Variants in IL1RL2 observed in about 807,000 individuals in gnomAD.
The protein encoded by IL1RL2 is interleukin 1 receptor like 2.
IL1RL2 carries 68 observed loss-of-function variants against 66.8 expected under a neutral mutation model. That is an observed-to-expected ratio of 1.02 (90% CI 0.84 to 1.25). IL1RL2 has a LOEUF of 1.25. IL1RL2 is among the 50% of genes most tolerant of loss of function. The pLI is 0.00. For synonymous variants in IL1RL2, 305 were observed against 264.6 expected (o/e 1.15, Z -1.48); for missense variants, 729 against 709.3 (o/e 1.03, Z -0.32).
At chr2:102,214,460 T>C (rs1689434786) in intron 6 of IL1RL2, among the ~76,000 whole-genome samples, 1 of 152,068 alleles carries the variant, frequency 6.6e-6, no homozygotes, top group Admixed American at 6.6e-5. Context: ...AATAAAACAG[T>C]AAGGAACAAC....
intron 9 of IL1RL2, 127 bp from the exon 10 acceptor site, chr2:102,232,836 A>G: frequency 2.0e-6 from 2 of 1,019,576 alleles, no homozygotes; most frequent in Non-Finnish European, 2.9e-6. Context: ...CAAGTCAGCC[A>G]ACTGGGCACT....
chr2:102,211,561 C>G (rs1578143564), intron 5 of IL1RL2, among the ~76,000 whole-genome samples: 1 of 152,306 alleles, frequency 6.6e-6, no homozygotes, highest in Admixed American at 6.5e-5. Context: ...TACCCATTCC[C>G]ACCAGTTCCC....
chr2:102,204,075 T>C (rs947272481), intron 5 of IL1RL2, among the ~76,000 whole-genome samples: 1 of 152,124 alleles, frequency 6.6e-6, no homozygotes, highest in African/African-American at 2.4e-5. Context: ...TGTTTTAGTA[T>C]GTTGTGTTTC....
chr2:102,210,277 G>T (rs1051877473), intron 5 of IL1RL2, among the ~76,000 whole-genome samples: 1 of 152,134 alleles, frequency 6.6e-6, no homozygotes, highest in African/African-American at 2.4e-5. Context: ...GATCCTGAAT[G>T]AGAGAAATTA....
Position 102,220,147 on chromosome 2 carries a change from A to G in IL1RL2, c.991+130A>G, listed in dbSNP as rs537416534. The G allele has an allele frequency of 1.4e-5, 11 of 760,796 alleles. No homozygotes were observed. The South Asian group carries it at 2.9e-4, about 20-fold the overall frequency. The allele number at this position is 760,796 out of a possible 1,614,324, so 47.1% of individuals were successfully genotyped here. A position where few individuals can be genotyped will look rare whatever the true frequency, so the allele number is the denominator to read the frequency against. On this transcript the variant is annotated intron_variant, in intron 8 of 11. Transcript: ENST00000264257. ...GTGATATTAAAGGGACAAACTCAGT[A>G]TGAAATCTAGGGAAAATCTCATGCA...
chr2:102,205,087 G>A (rs7583664), intron 5 of IL1RL2, among the ~76,000 whole-genome samples: 6 of 151,340 alleles, frequency 4.0e-5, no homozygotes, highest in East Asian at 1.9e-4. Flanking sequence ...TATTTTAACC[G>A]GATAACAACT....
At chr2:102,229,780 T>C (rs965567995) in intron 9 of IL1RL2, among the ~76,000 whole-genome samples, 1 of 152,166 alleles carries the variant, frequency 6.6e-6, no homozygotes, top group African/African-American at 2.4e-5. Context: ...GACCAAAAAA[T>C]TGGGCACATT....
intron 8 of IL1RL2, among the ~76,000 whole-genome samples, chr2:102,223,394 G>A (rs543365885): frequency 1.8e-4 from 27 of 152,260 alleles, no homozygotes; most frequent in African/African-American, 5.5e-4. Context: ...CCGTGAATTC[G>A]CGTATTACTT....
rs960983368 is a variant in IL1RL2, at chr2:102,233,016, C to T, written c.1189C>T (p.Gln397Ter). 1 of 1,614,178 alleles carries T rather than the reference C, an allele frequency of 6.2e-7. No individual in the cohort carries two copies. Among genetic ancestry groups the T allele is most frequent in the Non-Finnish European group, 8.5e-7 (1 of 1,180,018 alleles). ...VLYPKPHKES[Q>*]RHAVDALVLN... The stretch of plus-strand genomic sequence containing the variant: ...ATACCCCAAGCCCCACAAGGAAAGC[C>T]AGAGGCATGCCGTGGATGCCCTGGT... The change falls in exon 10 of 12, where the codon CAG becomes TAG. Residue 397 changes from glutamine (Q) to a stop codon, truncating the protein, a stop_gained. Coordinates refer to ENST00000264257, the MANE Select transcript of IL1RL2 (RefSeq NM_003854.4). LOFTEE classifies it high-confidence loss of function.
At chr2:102,212,325 G>A in intron 6 of IL1RL2, 151 bp downstream of exon 6, 1 of 549,442 alleles carries the variant, frequency 1.8e-6, no homozygotes, top group South Asian at 2.8e-5. Context: ...CATGGGGAGA[G>A]GAATCAAAAT....
At position 102,230,816 on chromosome 2, in the gene IL1RL2, G is replaced by A. The variant is rs960268647; in HGVS notation, c.1136-2147G>A. 7.0e-4 allele frequency among the ~76,000 whole-genome samples: 107 copies of A among 152,218 alleles called. 1 individual carries two copies. The highest frequency in any genetic ancestry group is 2.5e-3 in the African/African-American group (102 of 41,452). The stretch of plus-strand genomic sequence containing the variant: ...GGCCAAGAATGGTGAGCAGGGACCC[G>A]AAGGTCAGCAGTGGTTGGTGTGAGA... On this transcript the variant is annotated intron_variant, in intron 9 of 11. Coordinates refer to ENST00000264257, the MANE Select transcript of IL1RL2 (RefSeq NM_003854.4).
intron 4 of IL1RL2, among the ~76,000 whole-genome samples, chr2:102,201,347 A>G (rs193263994): frequency 0.01 from 1,550 of 152,288 alleles, 24 homozygotes; most frequent in Admixed American, 0.04. Context: ...ACACACACAC[A>G]CATATATACA....
chr2:102,212,227 T>C (rs1578145143), intron 6 of IL1RL2, 53 bp downstream of exon 6: 2 of 1,248,652 alleles, frequency 1.6e-6, no homozygotes, highest in East Asian at 4.7e-5. Flanking sequence ...GCTCATTATG[T>C]TTGCATATTC....
chr2:102,223,962 C>A (rs1248032789), intron 8 of IL1RL2, among the ~76,000 whole-genome samples: 3 of 152,172 alleles, frequency 2.0e-5, no homozygotes, highest in Non-Finnish European at 4.4e-5. Context: ...TCTATACTGG[C>A]TGCATTGGGA....
At chr2:102,211,070 T>A (rs1689128584) in intron 5 of IL1RL2, among the ~76,000 whole-genome samples, 1 of 152,208 alleles carries the variant, frequency 6.6e-6, no homozygotes, top group African/African-American at 2.4e-5. Context: ...ATTTTACATG[T>A]GTGTGATCTA....
intron 11 of IL1RL2, among the ~76,000 whole-genome samples, chr2:102,238,900 G>A (rs1413409708): frequency 6.6e-6 from 1 of 152,258 alleles, no homozygotes; most frequent in East Asian, 1.9e-4. Flanking sequence ...GGCTGTCCCT[G>A]GAGAGGAGCT....
intron 4 of IL1RL2, among the ~76,000 whole-genome samples, chr2:102,200,562 G>A (rs1688170685): frequency 1.3e-5 from 2 of 152,198 alleles, no homozygotes; most frequent in East Asian, 1.9e-4. Context: ...GCATGGCCAG[G>A]CCTGTCACAG....
At chr2:102,196,368 A>C (rs1419809728) in intron 4 of IL1RL2, among the ~76,000 whole-genome samples, 2 of 152,126 alleles carry the variant, frequency 1.3e-5, no homozygotes, top group Non-Finnish European at 2.9e-5. Flanking sequence ...ACCTGCTCAG[A>C]TTTGGTGATC....
downstream of IL1RL2, among the ~76,000 whole-genome samples, chr2:102,241,991 T>G (rs530387353): frequency 6.6e-6 from 1 of 152,202 alleles, no homozygotes; most frequent in Non-Finnish European, 1.5e-5. Flanking sequence ...GGACATGAGT[T>G]TGTGAAACAA....
Sources: gnomAD v4.1 joint callset for allele counts (sites outside exome capture counted in the v4.1 genomes callset) on GRCh38, gnomAD v4.1.1 for gene constraint, MANE v1.5 for transcripts, NCBI Gene and HGNC (gene_info 2026-07-23, HGNC 2026-07-21) for gene names.